The following SNX29 variants were observed in gnomAD, a reference collection of about 807,000 sequenced individuals.
SNX29 encodes the protein sorting nexin 29.
Under a neutral mutation model 102.1 loss-of-function variants are expected in SNX29, and 78 were observed. The observed-to-expected ratio is 0.76, with a 90% CI of 0.64 to 0.92. The LOEUF (loss-of-function observed/expected upper bound fraction) is 0.92. SNX29 is among the 40% of genes least tolerant of loss of function. The pLI, the probability that SNX29 is intolerant of heterozygous loss-of-function variation, is 0.00. For missense variants in SNX29, 1,280 were observed against 1,061.7 expected, an observed-to-expected ratio of 1.21 and a Z score of -2.86; for synonymous variants, 580 against 414.5, an observed-to-expected ratio of 1.40 and a Z score of -4.85.
intron 13 of SNX29, among the ~76,000 whole-genome samples, chr16:12,197,092 C>T (rs1012600365): frequency 2.6e-5 from 4 of 152,214 alleles, no homozygotes; most frequent in Non-Finnish European, 5.9e-5. Context: ...GACCGCCAAA[C>T]ACTGACATGA....
chr16:12,469,633 C>G (rs2087238053), intron 18 of SNX29, among the ~76,000 whole-genome samples: 1 of 152,124 alleles, frequency 6.6e-6, no homozygotes, highest in African/African-American at 2.4e-5. Flanking sequence ...CACTGAAGGC[C>G]CGGTGCTAGT....
intron 14 of SNX29, among the ~76,000 whole-genome samples, chr16:12,261,859 C>G (rs371147631): frequency 1.4e-5 from 2 of 142,164 alleles, no homozygotes; most frequent in East Asian, 4.3e-4. Context: ...TGCGTGCATC[C>G]CTGGCTGGAG....
At chr16:12,214,813 T>A in intron 14 of SNX29, among the ~76,000 whole-genome samples, 1 of 152,220 alleles carries the variant, frequency 6.6e-6, no homozygotes, top group East Asian at 1.9e-4. Context: ...CATCCATGAT[T>A]TCCCTGCCAT....
intron 18 of SNX29, among the ~76,000 whole-genome samples, chr16:12,472,090 C>T (rs751975647): frequency 2.6e-5 from 4 of 152,236 alleles, no homozygotes; most frequent in African/African-American, 7.2e-5. Flanking sequence ...AATATTCATA[C>T]AGTGGAATAC....
intron 14 of SNX29, among the ~76,000 whole-genome samples, chr16:12,202,381 G>A (rs556315204): frequency 6.6e-6 from 1 of 152,190 alleles, no homozygotes; most frequent in African/African-American, 2.4e-5. Context: ...AGTGAGGTTG[G>A]GTTATTTGCC....
Position 12,051,990 on chromosome 16 carries a change from C to A in SNX29, c.892C>A (p.Arg298Ser). The A allele has an allele frequency of 6.2e-7, 1 of 1,613,906 alleles. No individual in the cohort carries two copies. The highest frequency in any genetic ancestry group is 8.5e-7 in the Non-Finnish European group (1 of 1,179,846). ...GGAGAGCTCAGAGGACAACTCCGAC[C>A]GCTCCTCTGTCAATATCATGTCCGC... ...AGESSEDNSD[R>S]SSVNIMSAFE... Residue 298 changes from arginine (R) to serine (S), a missense_variant, in exon 8 of 21, where the codon CGC becomes AGC. Transcript: ENST00000566228.
intron 14 of SNX29, among the ~76,000 whole-genome samples, chr16:12,247,461 C>T (rs961355568): frequency 2.0e-5 from 3 of 152,260 alleles, no homozygotes; most frequent in African/African-American, 4.8e-5. Flanking sequence ...AAATACCTTC[C>T]GACTTACAGC....
intron 7 of SNX29, among the ~76,000 whole-genome samples, chr16:12,049,593 A>G (rs1219581236): frequency 6.6e-6 from 1 of 152,120 alleles, no homozygotes; most frequent in Non-Finnish European, 1.5e-5. Context: ...CTGGCCTCTC[A>G]AAGTGCTAGG....
intron 18 of SNX29, among the ~76,000 whole-genome samples, chr16:12,447,255 G>T (rs1417240344): frequency 1.4e-5 from 2 of 142,140 alleles, no homozygotes; most frequent in Admixed American, 1.4e-4. Flanking sequence ...GATTCTGAAA[G>T]CATCCAGGCA....
chr16:12,052,268 G>A (rs773592082), intron 8 of SNX29, 46 bp downstream of exon 8: 1 of 1,603,994 alleles, frequency 6.2e-7, no homozygotes, highest in Admixed American at 1.7e-5. Context: ...CCAGGCTGGA[G>A]TGCCGTGGCG....
At chr16:12,199,492 C>A in intron 13 of SNX29, 109 bp from the exon 14 acceptor site, 4 of 799,102 alleles carry the variant, frequency 5.0e-6, no homozygotes, top group Non-Finnish European at 8.1e-6. Flanking sequence ...TTATAAGATG[C>A]AAATTGTGCT....
chr16:12,009,154 A>G (rs2056560068), intron 3 of SNX29, among the ~76,000 whole-genome samples: 1 of 152,202 alleles, frequency 6.6e-6, no homozygotes, highest in Non-Finnish European at 1.5e-5. Context: ...AAACAGGTGT[A>G]TGTAACTGAA....
chr16:12,215,961 T>A (rs1010469907), intron 14 of SNX29, among the ~76,000 whole-genome samples: 12 of 152,134 alleles, frequency 7.9e-5, no homozygotes, highest in African/African-American at 2.9e-4. Context: ...GGGGCCTTGC[T>A]TTGGTGGTCT....
intron 19 of SNX29, among the ~76,000 whole-genome samples, chr16:12,491,984 A>G (rs1435578135): frequency 6.6e-6 from 1 of 152,210 alleles, no homozygotes; most frequent in African/African-American, 2.4e-5. Flanking sequence ...GTGCCGCAAT[A>G]AACATACGTG....
chr16:12,032,942 C>T (rs566036676), intron 4 of SNX29, among the ~76,000 whole-genome samples: 39 of 152,182 alleles, frequency 2.6e-4, no homozygotes, highest in African/African-American at 8.4e-4. Flanking sequence ...GTAGCCTCCA[C>T]CCCCCAGGTT....
In SNX29 at chr16:12,048,488, T is replaced by G. The variant is rs1429721037; in HGVS notation, c.616T>G (p.Leu206Val). The change falls in exon 7 of 21, where the codon TTG becomes GTG. Residue 206 changes from leucine to valine, a missense_variant. Physicochemically the swap from Leu to Val is conservative, Grantham distance 32 (BLOSUM62 1). Transcript: ENST00000566228. Reference protein sequence around the residue: ...LKESTQNVTSLLKESTQGVSS... With the variant: ...LKESTQNVTSVLKESTQGVSS... ...GGAGTCAACGCAGAACGTGACCTCCTTGCTGAAGGAGTCCACGCAAGGAGT... is the reference window on the plus strand; with the variant it reads ...GGAGTCAACGCAGAACGTGACCTCCGTGCTGAAGGAGTCCACGCAAGGAGT... The G allele has an allele frequency of 4.3e-6, 7 of 1,613,950 alleles. No individual in the cohort carries two copies. The highest frequency in any genetic ancestry group is 5.1e-6 in the Non-Finnish European group (6 of 1,179,864).
At position 12,061,678 on chromosome 16, in the gene SNX29, A is replaced by G. The variant is rs367935087; in HGVS notation, c.1243+32A>G. Reference sequence around the variant, plus strand: ...GTCTCCCGATTACTCCTTTCCTCCAATAAGAGCTTTGGCTTCGAGAACCAG... The same window carrying G: ...GTCTCCCGATTACTCCTTTCCTCCAGTAAGAGCTTTGGCTTCGAGAACCAG... On this transcript the variant is annotated intron_variant, in intron 9 of 20. Transcript: ENST00000566228. The G allele has an allele frequency of 1.7e-5, 27 of 1,566,810 alleles. No individual in the cohort carries two copies. In the African/African-American group the frequency reaches 2.7e-4, roughly 16 times the overall value.
Position 12,572,495 on chromosome 16 carries a change from C to T in SNX29, c.*3866C>T, listed in dbSNP as rs982537788. The T allele has an allele frequency of 1.5e-5, 16 of 1,063,900 alleles. No homozygotes were observed. Among genetic ancestry groups the T allele is most frequent in the Non-Finnish European group, 1.7e-5 (15 of 878,374 alleles). The allele number at this position is 1,063,900 out of a possible 1,614,324, so 65.9% of individuals were successfully genotyped here. A position where few individuals can be genotyped will look rare whatever the true frequency, so the allele number is the denominator to read the frequency against. ...GAGGACCAGTTCTTGGGGTTCCAGG[C>T]CTCGGCCTTCCTGCTCCACGTGCTC... On this transcript the variant is annotated 3_prime_UTR_variant, in exon 21 of 21. Coordinates refer to ENST00000566228, the MANE Select transcript of SNX29 (RefSeq NM_032167.5).
intron 16 of SNX29, among the ~76,000 whole-genome samples, chr16:12,369,281 G>A (rs2082597279): frequency 6.6e-6 from 1 of 151,962 alleles, no homozygotes; most frequent in Non-Finnish European, 1.5e-5. Flanking sequence ...GATTACAGGT[G>A]TGTGCCACCG....
Sources: allele counts gnomAD v4.1 joint callset (sites outside exome capture counted in the v4.1 genomes callset), GRCh38; gene constraint gnomAD v4.1.1; transcripts MANE v1.5; gene names NCBI Gene and HGNC (gene_info 2026-07-23, HGNC 2026-07-21).